Variants in ATP11A observed in about 807,000 individuals in gnomAD.
ATP11A encodes the protein phospholipid-transporting ATPase IH.
In ATP11A, 81 loss-of-function variants were observed where a neutral mutation model predicts 154.4. The observed-to-expected ratio is 0.52, with a 90% CI of 0.44 to 0.63. The LOEUF (loss-of-function observed/expected upper bound fraction) is 0.63. Among genes scored for constraint, ATP11A ranks in the 30% least tolerant of loss-of-function variants. The pLI is 0.00. For missense variants in ATP11A, 1,316 were observed against 1,474.3 expected, an observed-to-expected ratio of 0.89 and a Z score of 1.76; for synonymous variants, 623 against 585.9, an observed-to-expected ratio of 1.06 and a Z score of -0.91.
intron 4 of ATP11A, 91 bp downstream of exon 4, chr13:112,806,384 C>A: frequency 1.0e-6 from 1 of 983,992 alleles, no homozygotes. Context: ...TTTGTTGTAG[C>A]TAGTTCACAG....
intron 12 of ATP11A, 43 bp downstream of exon 12, chr13:112,826,934 G>A (rs373489228): frequency 5.0e-6 from 8 of 1,603,020 alleles, no homozygotes; most frequent in Middle Eastern, 3.3e-4. Context: ...ATTAACATCT[G>A]GGTGAGTCTG....
intron 1 of ATP11A, among the ~76,000 whole-genome samples, chr13:112,737,547 G>A (rs1891121528): frequency 6.6e-6 from 1 of 152,216 alleles, no homozygotes; most frequent in African/African-American, 2.4e-5. Flanking sequence ...AAGGGGCTGG[G>A]CTGAGGAACA....
chr13:112,781,697 A>G (rs917843149), intron 1 of ATP11A, among the ~76,000 whole-genome samples: 1 of 145,390 alleles, frequency 6.9e-6, no homozygotes, highest in African/African-American at 2.5e-5. Flanking sequence ...TAGTCTTCCT[A>G]GAATTTGACC....
At chr13:112,728,586 A>G (rs1364705616) in intron 1 of ATP11A, among the ~76,000 whole-genome samples, 4 of 124,912 alleles carry the variant, frequency 3.2e-5, no homozygotes, top group African/African-American at 9.3e-5. Context: ...CGTTGTCACT[A>G]TCCACTCGTG....
At chr13:112,817,156 T>C (rs967660156) in intron 6 of ATP11A, among the ~76,000 whole-genome samples, 1 of 152,232 alleles carries the variant, frequency 6.6e-6, no homozygotes, top group African/African-American at 2.4e-5. Context: ...AATCTTGAAG[T>C]TTCTAAGGAG....
intron 29 of ATP11A, chr13:112,880,476 G>A: frequency 1.6e-6 from 2 of 1,223,880 alleles, no homozygotes; most frequent in Non-Finnish European, 2.1e-6. Context: ...GGATGGTGCA[G>A]GCAGAGGCCC....
At chr13:112,712,760 C>A (rs1320001379) in intron 1 of ATP11A, among the ~76,000 whole-genome samples, 1 of 152,210 alleles carries the variant, frequency 6.6e-6, no homozygotes, top group East Asian at 1.9e-4. Flanking sequence ...GCCACCTCTG[C>A]CTTTTCTTAT....
intron 1 of ATP11A, among the ~76,000 whole-genome samples, chr13:112,751,563 G>A (rs761483933): frequency 1.3e-5 from 2 of 152,108 alleles, no homozygotes; most frequent in African/African-American, 2.4e-5. Flanking sequence ...GGGAGGCTGA[G>A]GCATGAGAAT....
At chr13:112,817,466 T>C (rs2140188181) in intron 6 of ATP11A, among the ~76,000 whole-genome samples, 1 of 152,346 alleles carries the variant, frequency 6.6e-6, no homozygotes, top group South Asian at 2.1e-4. Context: ...TGTCAGCAGT[T>C]TCTAGGGGGT....
intron 10 of ATP11A, 79 bp downstream of exon 10, chr13:112,824,504 GC>G (rs2078882752): frequency 1.2e-5 from 16 of 1,337,670 alleles, no homozygotes; most frequent in Non-Finnish European, 1.7e-5. Flanking sequence ...CTTCCTCTTG[GC>G]CTTATTGGCA....
chr13:112,793,675 G>A (rs986365204), intron 2 of ATP11A, among the ~76,000 whole-genome samples: 2 of 152,228 alleles, frequency 1.3e-5, no homozygotes, highest in East Asian at 1.9e-4. Flanking sequence ...GGTGTCCGGC[G>A]TCCCCGCCTT....
intron 11 of ATP11A, among the ~76,000 whole-genome samples, 161 bp downstream of exon 11, chr13:112,825,741 CA>C (rs2078917167): frequency 6.6e-6 from 1 of 152,188 alleles, no homozygotes; most frequent in African/African-American, 2.4e-5. Context: ...TTTAAAGTCT[CA>C]GTGGACACCA....
Position 112,851,097 on chromosome 13 carries a change from A to C in ATP11A, c.1870A>C (p.Ile624Leu), listed in dbSNP as rs184120417. 12 of 1,614,246 alleles carry C rather than the reference A, an allele frequency of 7.4e-6. 1 individual carries two copies. The Middle Eastern group carries it at 6.6e-4, about 89-fold the overall frequency. ...KRLIQEEYEG[I>L]CKLLQAAKVA... ...GCTGATCCAAGAAGAATATGAAGGC[A>C]TTTGTAAGCTGCTGCAGGCTGCCAA... The change falls in exon 18 of 30, where the codon ATT becomes CTT. Residue 624 changes from isoleucine to leucine, a missense_variant. Ile to Leu is a conservative substitution (Grantham distance 5). Transcript: ENST00000375645.
At chr13:112,845,809 A>T (rs1385626823) in intron 17 of ATP11A, among the ~76,000 whole-genome samples, 2 of 124,296 alleles carry the variant, frequency 1.6e-5, no homozygotes, top group South Asian at 2.5e-4. Flanking sequence ...CACTAGTGAT[A>T]CTAACCAGTC....
chr13:112,735,074 T>C (rs1040634096), intron 1 of ATP11A, among the ~76,000 whole-genome samples: 1 of 152,128 alleles, frequency 6.6e-6, no homozygotes, highest in Non-Finnish European at 1.5e-5. Flanking sequence ...TTAGCAGACG[T>C]CTGGGATGGA....
intron 17 of ATP11A, among the ~76,000 whole-genome samples, chr13:112,844,797 T>TCCTAACCAGTCCAGTTGCCGAGC (rs1465849786): frequency 8.1e-6 from 1 of 123,844 alleles, no homozygotes. Flanking sequence ...TTGCCGGGTG[T>TCCTAACCAGTCCAGTTGCCGAGC]TAGTGGTACT....
At chr13:112,824,480 A>G in intron 10 of ATP11A, 55 bp downstream of exon 10, 1 of 1,524,356 alleles carries the variant, frequency 6.6e-7, no homozygotes, top group Non-Finnish European at 9.1e-7. Context: ...TACCCACTGT[A>G]GAAATGGAAG....
chr13:112,802,062 C>T (rs765936815), intron 2 of ATP11A, among the ~76,000 whole-genome samples: 5 of 152,074 alleles, frequency 3.3e-5, no homozygotes, highest in South Asian at 2.1e-4. Context: ...AGAGAAATAG[C>T]GGCTGGGCGT....
At chr13:112,763,840 G>A (rs1400076378) in intron 1 of ATP11A, among the ~76,000 whole-genome samples, 2 of 152,078 alleles carry the variant, frequency 1.3e-5, no homozygotes, top group African/African-American at 2.4e-5. Flanking sequence ...CCAAACCAAC[G>A]CCACCTTCCA....
Sources: allele counts gnomAD v4.1 joint callset (sites outside exome capture counted in the v4.1 genomes callset), GRCh38; gene constraint gnomAD v4.1.1; transcripts MANE v1.5; gene names NCBI Gene and HGNC (gene_info 2026-07-23, HGNC 2026-07-21).